The following ADAMTSL1 variants were observed in gnomAD, a reference collection of about 807,000 sequenced individuals.
The protein encoded by ADAMTSL1 is ADAMTS-like protein 1.
In ADAMTSL1, 126 loss-of-function variants were observed where a neutral mutation model predicts 201.8. The observed-to-expected ratio is 0.62, with a 90% CI of 0.54 to 0.72. The LOEUF (loss-of-function observed/expected upper bound fraction) is 0.72, where lower values mean the gene tolerates loss of function less well. Ranked by LOEUF, ADAMTSL1 falls within the 30% of genes least tolerant of loss-of-function variation. The pLI is 0.00. For missense variants in ADAMTSL1, 2,679 were observed against 2,277.8 expected (o/e 1.18, Z -3.59); for synonymous variants, 1,121 against 903.4 (o/e 1.24, Z -4.32).
chr9:18,525,407 G>A (rs560954398), intron 2 of ADAMTSL1, among the ~76,000 whole-genome samples: 10 of 152,136 alleles, frequency 6.6e-5, no homozygotes, highest in African/African-American at 2.4e-4. Context: ...TGGATTCATT[G>A]ATTTTTTTGA....
At chr9:18,884,264 C>T (rs7023129) in intron 23 of ADAMTSL1, among the ~76,000 whole-genome samples, 75,444 of 151,944 alleles carry the variant, frequency 0.5, 19,368 homozygotes, top group African/African-American at 0.61. Context: ...TTGCCTGAAC[C>T]GGGTTGTTTG....
At position 18,271,423 on chromosome 9, in the gene ADAMTSL1, G is replaced by C. The variant is rs560350467; in HGVS notation, c.207+107442G>C. On this transcript the variant is annotated intron_variant, in intron 2 of 29. Coordinates refer to the ADAMTSL1 transcript ENST00000680146. ...TCCCACCTATGAGTGAGAACATGCA[G>C]TGTTTGGTTTTTTGTCCTTGTGATA... 5.3e-5 allele frequency among the ~76,000 whole-genome samples: 8 copies of C among 152,192 alleles called. 1 individual carries two copies. The South Asian group carries it at 1.7e-3, about 32-fold the overall frequency.
intron 1 of ADAMTSL1, among the ~76,000 whole-genome samples, chr9:17,948,097 CAG>C (rs1457678081): frequency 6.6e-6 from 1 of 152,130 alleles, no homozygotes; most frequent in Admixed American, 6.6e-5. Context: ...AATGGAAACT[CAG>C]TGCTTAATTT....
At chr9:18,100,335 C>G (rs889737437) in intron 1 of ADAMTSL1, among the ~76,000 whole-genome samples, 1 of 152,126 alleles carries the variant, frequency 6.6e-6, no homozygotes, top group Non-Finnish European at 1.5e-5. Flanking sequence ...GGCTAGAGTA[C>G]AGTGGCATGA....
chr9:18,595,576 A>T (rs1315612199), intron 4 of ADAMTSL1, among the ~76,000 whole-genome samples: 1 of 152,202 alleles, frequency 6.6e-6, no homozygotes, highest in Non-Finnish European at 1.5e-5. Context: ...TGAGCCTGTC[A>T]GGGAGGCTCA....
intron 2 of ADAMTSL1, among the ~76,000 whole-genome samples, chr9:18,392,071 G>A (rs185692278): frequency 3.1e-4 from 47 of 151,910 alleles, no homozygotes; most frequent in Middle Eastern, 3.4e-3. Context: ...TGATCCGCCC[G>A]CCTCGGCCTC....
At chr9:18,897,893 G>A (rs1210875645) in intron 26 of ADAMTSL1, among the ~76,000 whole-genome samples, 1 of 152,106 alleles carries the variant, frequency 6.6e-6, no homozygotes, top group African/African-American at 2.4e-5. Flanking sequence ...ACGGTGGATA[G>A]TAGGCTGGGT....
At chr9:18,160,347 C>T (rs950166081) in intron 1 of ADAMTSL1, among the ~76,000 whole-genome samples, 3 of 151,946 alleles carry the variant, frequency 2.0e-5, no homozygotes, top group East Asian at 1.9e-4. Flanking sequence ...CCTATTCCTG[C>T]GAGTGAATAA....
chr9:18,535,849 A>C (rs7022259), intron 3 of ADAMTSL1, among the ~76,000 whole-genome samples: 1 of 151,982 alleles, frequency 6.6e-6, no homozygotes, highest in Non-Finnish European at 1.5e-5. Context: ...GCATGGGGAA[A>C]ATTGTCTGCA....
intron 2 of ADAMTSL1, among the ~76,000 whole-genome samples, chr9:18,429,340 G>A (rs1410608266): frequency 6.6e-6 from 1 of 152,104 alleles, no homozygotes; most frequent in African/African-American, 2.4e-5. Context: ...ATAGCTCTGT[G>A]TGGTTAAGGG....
intron 2 of ADAMTSL1, among the ~76,000 whole-genome samples, chr9:18,374,838 C>G (rs1461086013): frequency 3.3e-5 from 5 of 152,208 alleles, no homozygotes; most frequent in Non-Finnish European, 5.9e-5. Context: ...TCAACCACCC[C>G]TCTCCATTTT....
At chr9:18,254,067 C>T (rs371353216) in intron 2 of ADAMTSL1, among the ~76,000 whole-genome samples, 2 of 152,258 alleles carry the variant, frequency 1.3e-5, no homozygotes, top group Non-Finnish European at 2.9e-5. Context: ...GATTAAGAGC[C>T]TGAGCTCTGG....
intron 2 of ADAMTSL1, among the ~76,000 whole-genome samples, chr9:18,312,270 G>T (rs1834186615): frequency 6.6e-6 from 1 of 152,144 alleles, no homozygotes. Context: ...ACTTCCTGTG[G>T]ATAAAATTAA....
intron 2 of ADAMTSL1, among the ~76,000 whole-genome samples, chr9:18,328,136 G>A (rs1422421241): frequency 2.0e-5 from 3 of 152,198 alleles, no homozygotes; most frequent in Non-Finnish European, 4.4e-5. Context: ...TGAATATCCA[G>A]GAAGAATTGA....
chr9:18,490,805 T>C (rs1276453210), intron 1 of ADAMTSL1, among the ~76,000 whole-genome samples: 1 of 152,164 alleles, frequency 6.6e-6, no homozygotes, highest in Non-Finnish European at 1.5e-5. Context: ...AGGATGCTGA[T>C]GAATTTCAGA....
At chr9:17,985,370 A>G (rs932217977) in intron 1 of ADAMTSL1, among the ~76,000 whole-genome samples, 1 of 152,130 alleles carries the variant, frequency 6.6e-6, no homozygotes, top group Non-Finnish European at 1.5e-5. Flanking sequence ...TTAACATTAG[A>G]TATCTAGGAA....
rs764278040 is a variant in ADAMTSL1, at chr9:18,777,920, C to T, written c.3677+14C>T. On this transcript the variant is annotated intron_variant, in intron 19 of 28. Coordinates refer to ENST00000380548, the MANE Select transcript of ADAMTSL1 (RefSeq NM_001040272.6). Reference sequence around the variant, plus strand: ...GTTCAGTGACAGGTGAGCCTTGTAGCTAACCTGGTCTTGGGAGGGAGGCAA... The same window carrying T: ...GTTCAGTGACAGGTGAGCCTTGTAGTTAACCTGGTCTTGGGAGGGAGGCAA... The T allele has an allele frequency of 6.6e-7, 1 of 1,524,714 alleles. No homozygotes were observed. The highest frequency in any genetic ancestry group is 1.8e-4 in the Middle Eastern group (1 of 5,638). 94.4% of individuals were successfully genotyped at this position (1,524,714 alleles called of 1,614,324 possible). A position where few individuals can be genotyped will look rare whatever the true frequency, so the allele number is the denominator to read the frequency against.
chr9:17,960,397 T>C (rs930612187), intron 1 of ADAMTSL1, among the ~76,000 whole-genome samples: 7 of 152,188 alleles, frequency 4.6e-5, no homozygotes, highest in Non-Finnish European at 7.4e-5. Flanking sequence ...GATTCTATAC[T>C]GTGAAAGAAG....
chr9:18,485,676 A>T (rs1315628140), intron 1 of ADAMTSL1, among the ~76,000 whole-genome samples: 1 of 152,196 alleles, frequency 6.6e-6, no homozygotes, highest in Admixed American at 6.5e-5. Flanking sequence ...CAGCAGAGGG[A>T]CTTGCACGGC....
Sources: gnomAD v4.1 joint callset for allele counts (sites outside exome capture counted in the v4.1 genomes callset) on GRCh38, gnomAD v4.1.1 for gene constraint, MANE v1.5 for transcripts, NCBI Gene and HGNC (gene_info 2026-07-23, HGNC 2026-07-21) for gene names.